The following MALRD1 variants were observed in gnomAD, a reference collection of about 807,000 sequenced individuals.
MALRD1 encodes the protein MAM and LDL receptor class A domain containing 1.
MALRD1 carries 247 observed loss-of-function variants against 242.1 expected under a neutral mutation model. That is an observed-to-expected ratio of 1.02 (90% CI 0.92 to 1.13). The LOEUF (loss-of-function observed/expected upper bound fraction) is 1.13. Ranked by LOEUF, MALRD1 falls within the 50% of genes most tolerant of loss-of-function variation. MALRD1 has a pLI of 0.00. For synonymous variants in MALRD1, 995 were observed against 866.6 expected, an observed-to-expected ratio of 1.15 and a Z score of -2.60; for missense variants, 2,989 against 2,533.1, an observed-to-expected ratio of 1.18 and a Z score of -3.86.
intron 14 of MALRD1, among the ~76,000 whole-genome samples, chr10:19,178,759 AG>A (rs1228145357): frequency 6.6e-6 from 1 of 152,198 alleles, no homozygotes; most frequent in Non-Finnish European, 1.5e-5. Flanking sequence ...GTGAGGATGC[AG>A]GTTGTATTTC....
chr10:19,209,514 C>T lies in MALRD1; in HGVS notation c.2825C>T (p.Thr942Ile). 2 of 1,550,706 alleles carry T rather than the reference C, an allele frequency of 1.3e-6. No individual in the cohort carries two copies. Among genetic ancestry groups the T allele is most frequent in the South Asian group, 1.2e-5 (1 of 84,058 alleles). ...AATGCCACTGATACAAAAGGCTGCA[C>T]CTTCCGCTTCTATTACCACATGTTT... ...ILNATDTKGCTFRFYYHMFGK... is the reference protein window; with the variant it reads ...ILNATDTKGCIFRFYYHMFGK... The change falls in exon 18 of 40, where the codon ACC becomes ATC. Residue 942 changes from threonine (T) to isoleucine (I), a missense_variant. Transcript: ENST00000454679.
chr10:19,565,371 C>G (rs1165714074), intron 32 of MALRD1, among the ~76,000 whole-genome samples: 1 of 152,026 alleles, frequency 6.6e-6, no homozygotes, highest in Non-Finnish European at 1.5e-5. Flanking sequence ...TAAATATATG[C>G]TGAGGTTTGG....
At chr10:19,555,285 G>A (rs1835668441) in intron 32 of MALRD1, among the ~76,000 whole-genome samples, 1 of 152,000 alleles carries the variant, frequency 6.6e-6, no homozygotes, top group South Asian at 2.1e-4. Flanking sequence ...TTAACATTGG[G>A]GATCACATTT....
chr10:19,387,828 A>T, intron 27 of MALRD1, 55 bp downstream of exon 27: 7 of 1,511,080 alleles, frequency 4.6e-6, no homozygotes, highest in Non-Finnish European at 6.2e-6. Context: ...ATGTACATCA[A>T]AATGTCTTTT....
At chr10:19,396,446 A>G (rs1246798153) in intron 28 of MALRD1, among the ~76,000 whole-genome samples, 3 of 151,952 alleles carry the variant, frequency 2.0e-5, no homozygotes, top group East Asian at 3.9e-4. Context: ...GTTTATTTCT[A>G]TGTCATGTGC....
chr10:19,457,020 C>T (rs1453644289), intron 29 of MALRD1, among the ~76,000 whole-genome samples: 1 of 152,084 alleles, frequency 6.6e-6, no homozygotes, highest in Non-Finnish European at 1.5e-5. Context: ...ATGCCAAGTG[C>T]TTTATACAAT....
chr10:19,528,317 G>A (rs957968385), intron 31 of MALRD1, among the ~76,000 whole-genome samples: 32 of 152,078 alleles, frequency 2.1e-4, no homozygotes, highest in East Asian at 3.9e-4. Flanking sequence ...AAATTAGGCC[G>A]GGCACAGTGA....
In MALRD1 at chr10:19,176,858, G is replaced by A. The variant is rs1038593685; in HGVS notation, c.1951+1530G>A. On this transcript the variant is annotated intron_variant, in intron 14 of 39. Coordinates refer to ENST00000454679, the MANE Select transcript of MALRD1 (RefSeq NM_001142308.3). The stretch of plus-strand genomic sequence containing the variant: ...CATGCCTGTGTGTCTGTGTGTGTGC[G>A]TGCATGTGTGCATGTGTGTGTGTGT... 4.4e-5 allele frequency among the ~76,000 whole-genome samples: 6 copies of A among 135,814 alleles called. No individual in the cohort carries two copies. The East Asian group carries it at 6.6e-4, about 15-fold the overall frequency. 89.1% of individuals were successfully genotyped at this position (135,814 alleles called of 152,430 possible).
At position 19,482,652 on chromosome 10, in the gene MALRD1, TACACACACACAC is replaced by T. The variant is rs144094060; in HGVS notation, c.5030-8837_5030-8826del. ...AGAGCACAATCCCATTTACAATAGC[TACACACACACAC>T]ACACACACACACACACACACACACA... On this transcript the variant is annotated intron_variant, in intron 29 of 39. Transcript: ENST00000454679. Among the ~76,000 whole-genome samples the T allele has an allele frequency of 2.5e-3, 342 of 136,428 alleles. 4 individuals carry two copies. Among genetic ancestry groups the T allele is most frequent in the African/African-American group, 8.3e-3 (305 of 36,592 alleles). The allele number at this position is 136,428 out of a possible 152,430, so 89.5% of individuals were successfully genotyped here. A position where few individuals can be genotyped will look rare whatever the true frequency, so the allele number is the denominator to read the frequency against.
rs1382173634 is a variant in MALRD1 at position 19,209,479 on chromosome 10, C to T, written c.2790C>T (p.Ser930=). ...QAFQDSAALL[S]PILNATDTKG... ...TTCAAGACAGTGCTGCCTTACTCAG[C>T]CCAATCCTTAATGCCACTGATACAA... Residue 930 remains serine, a synonymous_variant, in exon 18 of 40, where the codon AGC becomes AGT. Coordinates refer to ENST00000454679, the MANE Select transcript of MALRD1 (RefSeq NM_001142308.3). 10 of 1,550,692 alleles carry T rather than the reference C, an allele frequency of 6.4e-6. No individual in the cohort carries two copies. The highest frequency in any genetic ancestry group is 6.1e-6 in the Non-Finnish European group (7 of 1,147,036).
At chr10:19,660,555 C>G (rs1841382222) in intron 36 of MALRD1, among the ~76,000 whole-genome samples, 3 of 152,056 alleles carry the variant, frequency 2.0e-5, no homozygotes, top group Admixed American at 2.0e-4. Context: ...GCCCAGAGTA[C>G]CTTATGCACT....
At chr10:19,395,375 G>T (rs551166920) in intron 28 of MALRD1, among the ~76,000 whole-genome samples, 1 of 152,172 alleles carries the variant, frequency 6.6e-6, no homozygotes, top group South Asian at 2.1e-4. Flanking sequence ...ACATTGGTTT[G>T]TTCCAGAAAG....
Position 19,467,897 on chromosome 10 carries a change from A to C in MALRD1, c.5029+17407A>C, listed in dbSNP as rs140299338. ...CAACCTCTGCCTCTTGGGTTCACGT[A>C]ATTCTCCTGCTTCAGCCTCCCGAGC... On this transcript the variant is annotated intron_variant, in intron 29 of 39. Coordinates refer to ENST00000454679, the MANE Select transcript of MALRD1 (RefSeq NM_001142308.3). Among the ~76,000 whole-genome samples, 114 of 151,988 alleles carry C rather than the reference A, an allele frequency of 7.5e-4. 4 individuals carry two copies. The East Asian group carries it at 0.021, about 28-fold the overall frequency.
At chr10:19,319,038 A>G (rs546225540) in intron 21 of MALRD1, among the ~76,000 whole-genome samples, 22 of 152,114 alleles carry the variant, frequency 1.4e-4, no homozygotes, top group Admixed American at 2.0e-4. Flanking sequence ...TGCTACAAAG[A>G]AAGCAATCAA....
intron 28 of MALRD1, among the ~76,000 whole-genome samples, chr10:19,435,819 A>G (rs1405730218): frequency 1.3e-5 from 2 of 152,144 alleles, no homozygotes; most frequent in Non-Finnish European, 2.9e-5. Flanking sequence ...GTGAGAAATC[A>G]TGGTCCACCT....
chr10:19,722,775 A>C (rs375188759), intron 38 of MALRD1, among the ~76,000 whole-genome samples: 1 of 152,046 alleles, frequency 6.6e-6, no homozygotes, highest in East Asian at 1.9e-4. Context: ...GGAAAGCATA[A>C]GGAAAGGAGG....
Position 19,387,409 on chromosome 10 carries a change from A to T in MALRD1, c.4442-119A>T, listed in dbSNP as rs1846127291. On this transcript the variant is annotated intron_variant, in intron 26 of 39. Coordinates refer to ENST00000454679, the MANE Select transcript of MALRD1 (RefSeq NM_001142308.3). Reference sequence around the variant, plus strand: ...GAGAGATGGGGTTCAGGTACCTCAAATTCCTAAGAACAATATGTTCCTTTA... The same window carrying T: ...GAGAGATGGGGTTCAGGTACCTCAATTTCCTAAGAACAATATGTTCCTTTA... The T allele has an allele frequency of 8.6e-6, 11 of 1,275,528 alleles. No individual in the cohort carries two copies. In the Admixed American group the frequency reaches 2.9e-4, roughly 33 times the overall value. The allele number at this position is 1,275,528 out of a possible 1,614,324, so 79.0% of individuals were successfully genotyped here. A position where few individuals can be genotyped will look rare whatever the true frequency, so the allele number is the denominator to read the frequency against.
chr10:19,539,857 CGTGT>C (rs368123598), intron 32 of MALRD1, among the ~76,000 whole-genome samples: 2,670 of 126,934 alleles, frequency 0.021, 38 homozygotes, highest in South Asian at 0.038. Flanking sequence ...CAGCTTTGTG[CGTGT>C]GTGTGTGTGT....
chr10:19,465,891 A>T (rs1000915145), intron 29 of MALRD1, among the ~76,000 whole-genome samples: 1 of 152,108 alleles, frequency 6.6e-6, no homozygotes, highest in Non-Finnish European at 1.5e-5. Flanking sequence ...CCTTTCTTAT[A>T]ATCCCACCAC....
Sources: allele counts gnomAD v4.1 joint callset (sites outside exome capture counted in the v4.1 genomes callset), GRCh38; gene constraint gnomAD v4.1.1; transcripts MANE v1.5; gene names NCBI Gene and HGNC (gene_info 2026-07-23, HGNC 2026-07-21).